GIT2: variants seen among roughly 807,000 people sequenced by gnomAD.
The protein encoded by GIT2 is ARF GTPase-activating protein GIT2.
Under a neutral mutation model 100.3 loss-of-function variants are expected in GIT2, and 32 were observed. That is an observed-to-expected ratio of 0.32 (90% CI 0.24 to 0.43). The LOEUF (loss-of-function observed/expected upper bound fraction) is 0.43. Ranked by LOEUF, GIT2 falls within the 20% of genes least tolerant of loss-of-function variation. GIT2 has a pLI of 1.00. For synonymous variants in GIT2, 353 were observed against 364.1 expected (o/e 0.97, Z 0.35); for missense variants, 737 against 975.1 (o/e 0.76, Z 3.25).
At chr12:109,961,412 C>T (rs769476812) in intron 10 of GIT2, 37 bp from the exon 11 acceptor site, 13 of 1,304,530 alleles carry the variant, frequency 1.0e-5, no homozygotes, top group East Asian at 2.3e-5. Context: ...AACCTCATCA[C>T]GCCTGTGTGC....
chr12:109,947,604 G>T lies in GIT2; in HGVS notation c.1393-100C>A. On this transcript the variant is annotated intron_variant, in intron 14 of 19. Coordinates refer to ENST00000355312, the MANE Select transcript of GIT2 (RefSeq NM_057169.5). The surrounding 1 kb of genome is among the most constrained non-coding windows in gnomAD (Gnocchi z 4.3). The stretch of plus-strand genomic sequence containing the variant: ...ACAACTACCAGTTTTAAACAATAAG[G>T]ACAGTAACAGCTAGCCGGGCTGAAA... The T allele has an allele frequency of 1.9e-6, 2 of 1,076,712 alleles. No individual in the cohort carries two copies. Among genetic ancestry groups the T allele is most frequent in the Non-Finnish European group, 1.4e-6 (1 of 732,428 alleles). The allele number at this position is 1,076,712 out of a possible 1,614,324, so 66.7% of individuals were successfully genotyped here. A position where few individuals can be genotyped will look rare whatever the true frequency, so the allele number is the denominator to read the frequency against.
At position 109,938,573 on chromosome 12, in the gene GIT2, G is replaced by A; in HGVS notation, c.1815-5C>T. 1 of 1,570,396 alleles carries A rather than the reference G, an allele frequency of 6.4e-7. No individual in the cohort carries two copies. Among genetic ancestry groups the A allele is most frequent in the Non-Finnish European group, 8.6e-7 (1 of 1,160,118 alleles). Reference sequence around the variant, plus strand: ...TGCCGTCCCTTTCGGCTTGACCTGTGAACATTAAAGATGCAGTTAAATACA... The same window carrying A: ...TGCCGTCCCTTTCGGCTTGACCTGTAAACATTAAAGATGCAGTTAAATACA... On this transcript the variant is annotated splice_region_variant and splice_polypyrimidine_tract_variant and intron_variant, in intron 17 of 19. Coordinates refer to ENST00000355312, the MANE Select transcript of GIT2 (RefSeq NM_057169.5).
chr12:109,945,353 G>C lies in GIT2; in HGVS notation c.1642-4C>G, dbSNP rs376806354. 1.8e-5 allele frequency: 25 copies of C among 1,401,850 alleles called. No homozygotes were observed. The highest frequency in any genetic ancestry group is 2.3e-5 in the Non-Finnish European group (23 of 988,658). 86.8% of individuals were successfully genotyped at this position (1,401,850 alleles called of 1,614,324 possible). ...TCACAAGTGCACTCCTCCCGATCTG[G>C]AATGGGAAAGAGAAACACACTCGGG... On this transcript the variant is annotated splice_polypyrimidine_tract_variant and splice_region_variant and intron_variant, in intron 15 of 19. Transcript: ENST00000355312.
Position 109,947,104 on chromosome 12 carries a change from A to G in GIT2, c.1641+152T>C. ...GTGTGCTTGTGGGAATATCGCAAGCATCTGTGGACATGTTAATACAGCAAA... is the reference window on the plus strand; with the variant it reads ...GTGTGCTTGTGGGAATATCGCAAGCGTCTGTGGACATGTTAATACAGCAAA... On this transcript the variant is annotated intron_variant, in intron 15 of 19. Transcript: ENST00000355312. The surrounding 1 kb of genome is among the most constrained non-coding windows in gnomAD (Gnocchi z 4.3). 1.5e-6 allele frequency: 1 copy of G among 688,186 alleles called. No individual in the cohort carries two copies. Among genetic ancestry groups the G allele is most frequent in the Non-Finnish European group, 2.5e-6 (1 of 401,698 alleles). 42.6% of individuals were successfully genotyped at this position (688,186 alleles called of 1,614,324 possible).
At position 109,934,284 on chromosome 12, in the gene GIT2, GAA is replaced by G. The variant is rs1282514730; in HGVS notation, c.2004-201_2004-200del. The stretch of plus-strand genomic sequence containing the variant: ...TTGCTTCCTAAAAGTTCAATCTGAT[GAA>G]AAGTCTCCAGGTATGAAATATGGCA... On this transcript the variant is annotated intron_variant, in intron 18 of 19. Coordinates refer to ENST00000355312, the MANE Select transcript of GIT2 (RefSeq NM_057169.5). This position sits in a 1 kb window ranked among gnomAD's most constrained non-coding sequence, Gnocchi z 4.5. The G allele has an allele frequency of 1.4e-5, 8 of 579,296 alleles. No individual in the cohort carries two copies. Among genetic ancestry groups the G allele is most frequent in the Non-Finnish European group, 2.5e-5 (8 of 322,466 alleles). The allele number at this position is 579,296 out of a possible 1,614,324, so 35.9% of individuals were successfully genotyped here.
Position 109,933,250 on chromosome 12 carries a change from G to A in GIT2, c.2068-60C>T, listed in dbSNP as rs979553072. The A allele has an allele frequency of 4.5e-5, 46 of 1,014,668 alleles. No individual in the cohort carries two copies. The highest frequency in any genetic ancestry group is 1.2e-4 in the Admixed American group (6 of 49,400). The allele number at this position is 1,014,668 out of a possible 1,614,324, so 62.9% of individuals were successfully genotyped here. On this transcript the variant is annotated intron_variant, in intron 19 of 19. Transcript: ENST00000355312. The surrounding 1 kb of genome is among the most constrained non-coding windows in gnomAD (Gnocchi z 4.5). The stretch of plus-strand genomic sequence containing the variant: ...GCAGGGCAGACATCCAAAAGCAGGG[G>A]ACAAACATTCTTCTAAAGCAAACCA...
In GIT2 at chr12:109,947,169, G is replaced by T; in HGVS notation, c.1641+87C>A. ...TCTTAGTCCAATTTGGCAAAGCAGA[G>T]CTGTGGGGACCTGTAGGTTCAGAAG... On this transcript the variant is annotated intron_variant, in intron 15 of 19. Coordinates refer to ENST00000355312, the MANE Select transcript of GIT2 (RefSeq NM_057169.5). The surrounding 1 kb of genome is among the most constrained non-coding windows in gnomAD (Gnocchi z 4.3). 1 of 1,323,322 alleles carries T rather than the reference G, an allele frequency of 7.6e-7. No individual in the cohort carries two copies. The highest frequency in any genetic ancestry group is 1.1e-6 in the Non-Finnish European group (1 of 951,446). 82.0% of individuals were successfully genotyped at this position (1,323,322 alleles called of 1,614,324 possible).
intron 7 of GIT2, among the ~76,000 whole-genome samples, chr12:109,970,046 G>A (rs752400581): frequency 3.9e-5 from 6 of 151,988 alleles, no homozygotes; most frequent in South Asian, 2.1e-4. Context: ...ATGAGCCACC[G>A]TGCCCGGACC....
At chr12:109,976,593 CT>C (rs938104261) in intron 7 of GIT2, among the ~76,000 whole-genome samples, 263 of 104,370 alleles carry the variant, frequency 2.5e-3, no homozygotes, top group Middle Eastern at 7.9e-3. Flanking sequence ...GTTTTCTTTT[CT>C]TTTTTTTTTT....
At chr12:109,983,799 T>C (rs1267449723) in intron 4 of GIT2, 105 bp from the exon 5 acceptor site, 1 of 699,538 alleles carries the variant, frequency 1.4e-6, no homozygotes. Flanking sequence ...CAGTAACGCA[T>C]AATCTTTATT....
rs1876668648 is a variant in GIT2 at position 109,947,519 on chromosome 12, T to G, written c.1393-15A>C. On this transcript the variant is annotated splice_polypyrimidine_tract_variant and intron_variant, in intron 14 of 19. Transcript: ENST00000355312. The surrounding 1 kb of genome is among the most constrained non-coding windows in gnomAD (Gnocchi z 4.3). ...AGTGTTTGAAGCTGAAAGAAATGTT[T>G]GGCAGTGGGACTGTGTTTTTTTACA... is the stretch of plus-strand genomic sequence containing the variant. The G allele has an allele frequency of 1.2e-6, 2 of 1,609,774 alleles. No homozygotes were observed. The highest frequency in any genetic ancestry group is 1.7e-6 in the Non-Finnish European group (2 of 1,177,074).
chr12:109,938,299 TGCCATTAG>T, intron 18 of GIT2, 73 bp downstream of exon 18: 1 of 940,844 alleles, frequency 1.1e-6, no homozygotes, highest in South Asian at 1.6e-5. Context: ...TGGGAATAGC[TGCCATTAG>T]GAACATGGGC....
At position 109,947,618 on chromosome 12, in the gene GIT2, GC is replaced by G; in HGVS notation, c.1393-115del. ...TAAACAATAAGGACAGTAACAGCTA[GC>G]CGGGCTGAAAGTAAAAAGCCAATAC... On this transcript the variant is annotated intron_variant, in intron 14 of 19. Transcript: ENST00000355312. This position sits in a 1 kb window ranked among gnomAD's most constrained non-coding sequence, Gnocchi z 4.3. 1.0e-6 allele frequency: 1 copy of G among 976,654 alleles called. No homozygotes were observed. Among genetic ancestry groups the G allele is most frequent in the East Asian group, 2.4e-5 (1 of 41,518 alleles). 60.5% of individuals were successfully genotyped at this position (976,654 alleles called of 1,614,324 possible). A position where few individuals can be genotyped will look rare whatever the true frequency, so the allele number is the denominator to read the frequency against.
At chr12:109,969,162 C>CTTTTT (rs71079595) in intron 7 of GIT2, among the ~76,000 whole-genome samples, 11 of 89,094 alleles carry the variant, frequency 1.2e-4, no homozygotes, top group South Asian at 4.4e-4. Flanking sequence ...AAAACTTTTC[C>CTTTTT]TTTTTTTTTT....
rs758780043 is a variant in GIT2, at chr12:109,938,587, C to G, written c.1815-19G>C. 6.5e-7 allele frequency: 1 copy of G among 1,545,038 alleles called. No individual in the cohort carries two copies. ...GCTTGACCTGTGAACATTAAAGATG[C>G]AGTTAAATACAGCAGGTGCTTATCA... On this transcript the variant is annotated intron_variant, in intron 17 of 19. Transcript: ENST00000355312.
At chr12:109,976,504 T>C (rs768744971) in intron 7 of GIT2, among the ~76,000 whole-genome samples, 1 of 151,876 alleles carries the variant, frequency 6.6e-6, no homozygotes, top group Non-Finnish European at 1.5e-5. Flanking sequence ...CAGGATGGTT[T>C]TGATCTCCTG....
Position 109,951,054 on chromosome 12 carries a change from A to G in GIT2, c.1392+113T>C, listed in dbSNP as rs187091910. 536 of 900,354 alleles carry G rather than the reference A, an allele frequency of 6.0e-4. 1 individual carries two copies. The African/African-American group carries it at 8.4e-3, about 14-fold the overall frequency. 55.8% of individuals were successfully genotyped at this position (900,354 alleles called of 1,614,324 possible). On this transcript the variant is annotated intron_variant, in intron 14 of 19. Transcript: ENST00000355312. The stretch of plus-strand genomic sequence containing the variant: ...AGACAACTTGGCCCAAAGATTTCTA[A>G]GGCTGTTACAATAACTGTTTTTCTT...
chr12:109,933,217 C>T lies in GIT2; in HGVS notation c.2068-27G>A, dbSNP rs1029193660. On this transcript the variant is annotated intron_variant, in intron 19 of 19. Transcript: ENST00000355312. The surrounding 1 kb of genome is among the most constrained non-coding windows in gnomAD (Gnocchi z 4.5). ...TAAAAGGAAAAAGACAGCCGTTTAC[C>T]CTGAACTGCAGGGCAGACATCCAAA... 3.8e-6 allele frequency: 5 copies of T among 1,308,114 alleles called. No homozygotes were observed. The African/African-American group carries it at 7.3e-5, about 19-fold the overall frequency. 81.0% of individuals were successfully genotyped at this position (1,308,114 alleles called of 1,614,324 possible). A position where few individuals can be genotyped will look rare whatever the true frequency, so the allele number is the denominator to read the frequency against.
At chr12:109,953,406 G>A in intron 12 of GIT2, 172 bp from the exon 13 acceptor site, 1 of 621,794 alleles carries the variant, frequency 1.6e-6, no homozygotes, top group Non-Finnish European at 2.8e-6. Context: ...ACTGCTTGAG[G>A]CCAGGAGTTT....
Sources: gnomAD v4.1 joint callset for allele counts (sites outside exome capture counted in the v4.1 genomes callset) on GRCh38, gnomAD v4.1.1 for gene constraint, Gnocchi (gnomAD v3.1) non-coding constraint, MANE v1.5 for transcripts, NCBI Gene and HGNC (gene_info 2026-07-23, HGNC 2026-07-21) for gene names.